Variants in RBFOX2 observed in about 807,000 individuals in gnomAD.
RBFOX2 encodes RNA binding fox-1 homolog 2.
Under a neutral mutation model 49.1 loss-of-function variants are expected in RBFOX2, and 10 were observed. The observed-to-expected ratio is 0.20, with a 90% CI of 0.13 to 0.35. The LOEUF is 0.35. Among genes scored for constraint, RBFOX2 ranks in the 10% least tolerant of loss-of-function variants. The probability of loss-of-function intolerance (pLI) is 1.00; values close to 1 mark genes in which losing one functional copy is unlikely to be tolerated. For synonymous variants in RBFOX2, 183 were observed against 187.4 expected, an observed-to-expected ratio of 0.98 and a Z score of 0.19; for missense variants, 323 against 486.9, an observed-to-expected ratio of 0.66 and a Z score of 3.17.
chr22:35,874,209 A>G (rs930796196), intron 1 of RBFOX2, among the ~76,000 whole-genome samples: 3 of 152,236 alleles, frequency 2.0e-5, no homozygotes, highest in African/African-American at 4.8e-5. Flanking sequence ...AGCGAAAGGC[A>G]GTAGACTACA....
intron 1 of RBFOX2, among the ~76,000 whole-genome samples, chr22:35,922,591 C>T (rs2051150896): frequency 2.0e-5 from 3 of 151,118 alleles, no homozygotes; most frequent in African/African-American, 7.3e-5. Flanking sequence ...AAAAACTAGA[C>T]ATGTCTAAAT....
chr22:35,765,130 AAAG>A (rs1363840387), intron 6 of RBFOX2, among the ~76,000 whole-genome samples: 1 of 151,184 alleles, frequency 6.6e-6, no homozygotes, highest in Non-Finnish European at 1.5e-5. Context: ...AGCAGCTGAA[AAAG>A]AAGGTGCTCA....
chr22:35,862,380 G>GC (rs903995264), intron 1 of RBFOX2, among the ~76,000 whole-genome samples: 2 of 150,128 alleles, frequency 1.3e-5, no homozygotes, highest in African/African-American at 4.9e-5. Flanking sequence ...TCTTTGGAGG[G>GC]GGGGGGGAAT....
At chr22:35,774,321 C>G (rs944369236) in intron 4 of RBFOX2, among the ~76,000 whole-genome samples, 1 of 152,030 alleles carries the variant, frequency 6.6e-6, no homozygotes, top group East Asian at 1.9e-4. Flanking sequence ...CTGGTGAAAT[C>G]TGGAGAATTA....
At chr22:35,861,609 T>C (rs2043104442) in intron 1 of RBFOX2, among the ~76,000 whole-genome samples, 1 of 152,188 alleles carries the variant, frequency 6.6e-6, no homozygotes, top group Admixed American at 6.5e-5. Flanking sequence ...TATCACTACA[T>C]ACCTATTTAA....
At chr22:35,976,832 C>T (rs993574731) in intron 1 of RBFOX2, among the ~76,000 whole-genome samples, 2 of 151,984 alleles carry the variant, frequency 1.3e-5, no homozygotes, top group Non-Finnish European at 2.9e-5. Context: ...GCCACAGTGG[C>T]GTGTGCCTGT....
At chr22:35,969,985 T>C (rs2056780755) in intron 1 of RBFOX2, among the ~76,000 whole-genome samples, 1 of 152,218 alleles carries the variant, frequency 6.6e-6, no homozygotes, top group African/African-American at 2.4e-5. Context: ...GGAGATAACA[T>C]GAGTCTGGTA....
exon 1 of RBFOX2, among the ~76,000 whole-genome samples, chr22:36,028,818 G>T (rs960003024): frequency 2.0e-5 from 3 of 152,150 alleles, no homozygotes; most frequent in Admixed American, 2.0e-4. Context: ...GAGGAAGGGG[G>T]CGGTCCGGGC....
At chr22:35,882,153 T>G (rs1268833779) in intron 1 of RBFOX2, among the ~76,000 whole-genome samples, 2 of 152,104 alleles carry the variant, frequency 1.3e-5, no homozygotes, top group Non-Finnish European at 2.9e-5. Flanking sequence ...GCTCAAAATA[T>G]TACAACTTTA....
chr22:35,805,407 G>A (rs940001077), intron 2 of RBFOX2, among the ~76,000 whole-genome samples: 2 of 151,848 alleles, frequency 1.3e-5, no homozygotes, highest in Non-Finnish European at 2.9e-5. Context: ...ATGTCATCAG[G>A]GAAATGCAAA....
intron 4 of RBFOX2, among the ~76,000 whole-genome samples, chr22:35,770,034 A>G (rs1011502892): frequency 6.6e-6 from 1 of 152,220 alleles, no homozygotes; most frequent in Non-Finnish European, 1.5e-5. Flanking sequence ...TTTGTTGAAA[A>G]TATCAACAGG....
At chr22:35,840,623 C>T (rs913279949), upstream of RBFOX2, 23 of 1,067,476 alleles carry the variant, frequency 2.2e-5, no homozygotes, top group African/African-American at 3.8e-5. Context: ...CGCGTGTGTG[C>T]GTGTGTGCGT....
At chr22:35,952,100 A>C (rs1378032621) in intron 1 of RBFOX2, among the ~76,000 whole-genome samples, 1 of 152,122 alleles carries the variant, frequency 6.6e-6, no homozygotes, top group Non-Finnish European at 1.5e-5. Context: ...CCCCTTCACC[A>C]TCCCCAGCCA....
chr22:35,966,447 T>TACC (rs753229358), upstream of RBFOX2, among the ~76,000 whole-genome samples: 16 of 152,228 alleles, frequency 1.1e-4, no homozygotes, highest in Non-Finnish European at 2.2e-4. Flanking sequence ...TTTACATTCC[T>TACC]ACCACCAGTA....
At chr22:35,930,186 A>C (rs1343106694) in intron 1 of RBFOX2, among the ~76,000 whole-genome samples, 1 of 151,380 alleles carries the variant, frequency 6.6e-6, no homozygotes, top group Non-Finnish European at 1.5e-5. Context: ...ATGCCCCACT[A>C]ATTTTTGTAT....
intron 1 of RBFOX2, among the ~76,000 whole-genome samples, chr22:35,978,064 A>G (rs1002807823): frequency 6.6e-6 from 1 of 152,066 alleles, no homozygotes; most frequent in Non-Finnish European, 1.5e-5. Flanking sequence ...GAACATGAGG[A>G]GTAGGGTACA....
At chr22:35,852,913 T>C (rs1044197089) in intron 1 of RBFOX2, among the ~76,000 whole-genome samples, 4 of 152,236 alleles carry the variant, frequency 2.6e-5, no homozygotes, top group Non-Finnish European at 5.9e-5. Context: ...CCAAATGTTA[T>C]TGAAGGCCTA....
intron 5 of RBFOX2, among the ~76,000 whole-genome samples, chr22:35,767,646 C>G (rs1941415141): frequency 6.6e-6 from 1 of 152,168 alleles, no homozygotes; most frequent in South Asian, 2.1e-4. Flanking sequence ...CCATCATACC[C>G]TCTGTTTAAG....
chr22:35,911,496 G>A (rs866328110), intron 1 of RBFOX2, among the ~76,000 whole-genome samples: 12 of 152,094 alleles, frequency 7.9e-5, no homozygotes, highest in African/African-American at 2.9e-4. Context: ...AATCCAACAA[G>A]AGTAAAGGTA....
Sources: gnomAD v4.1 joint callset for allele counts (sites outside exome capture counted in the v4.1 genomes callset) on GRCh38, gnomAD v4.1.1 for gene constraint, MANE v1.5 for transcripts, NCBI Gene and HGNC (gene_info 2026-07-23, HGNC 2026-07-21) for gene names.